CCDC32: variants seen among roughly 807,000 people sequenced by gnomAD.
CCDC32 encodes coiled-coil domain-containing protein 32.
Under a neutral mutation model 20.1 loss-of-function variants are expected in CCDC32, and 9 were observed. The observed-to-expected ratio is 0.45, with a 90% CI of 0.27 to 0.78. The LOEUF is 0.78. CCDC32 is among the 30% of genes least tolerant of loss of function. The pLI is 0.16. For synonymous variants in CCDC32, 63 were observed against 79.0 expected (o/e 0.80, Z 1.07); for missense variants, 204 against 215.5 (o/e 0.95, Z 0.33).
At chr15:40,544,680 G>A (rs895031962) in intron 3 of CCDC32, among the ~76,000 whole-genome samples, 4 of 152,126 alleles carry the variant, frequency 2.6e-5, no homozygotes, top group African/African-American at 4.8e-5. Context: ...CTGAGGTCCA[G>A]CTAACTGAAG....
chr15:40,560,971 G>A (rs980493356), intron 2 of CCDC32, among the ~76,000 whole-genome samples: 5 of 152,026 alleles, frequency 3.3e-5, no homozygotes, highest in African/African-American at 7.3e-5. Flanking sequence ...AGTGCCCATC[G>A]AGCAATGAGT....
At chr15:40,524,739 C>CTTTT (rs758786719), downstream of CCDC32, among the ~76,000 whole-genome samples, 95 of 95,184 alleles carry the variant, frequency 1.0e-3, 1 homozygote, top group African/African-American at 3.5e-3. Context: ...CTTTTTCTTT[C>CTTTT]TTTTTTTTTT....
At chr15:40,556,279 G>A (rs939835250) in intron 3 of CCDC32, among the ~76,000 whole-genome samples, 1 of 152,180 alleles carries the variant, frequency 6.6e-6, no homozygotes, top group African/African-American at 2.4e-5. Flanking sequence ...AGGGAGCTCA[G>A]TGGCCTCTCA....
intron 3 of CCDC32, 96 bp downstream of exon 3, chr15:40,557,120 A>G (rs1890294908): frequency 1.4e-6 from 2 of 1,480,806 alleles, no homozygotes; most frequent in Non-Finnish European, 1.8e-6. Flanking sequence ...TTTTGGCAAA[A>G]AAGTCTGTTC....
At chr15:40,528,035 A>T (rs1894921293), downstream of CCDC32, among the ~76,000 whole-genome samples, 1 of 152,226 alleles carries the variant, frequency 6.6e-6, no homozygotes, top group Non-Finnish European at 1.5e-5. Flanking sequence ...TTTGATAGAT[A>T]AAAATGGGCA....
chr15:40,527,697 A>T (rs375995930), downstream of CCDC32, among the ~76,000 whole-genome samples: 4 of 152,162 alleles, frequency 2.6e-5, no homozygotes, highest in African/African-American at 7.2e-5. Context: ...AAGAAGAGGA[A>T]GAGAGACCTG....
rs1225662241 is a variant in CCDC32, at chr15:40,553,788, G to T, written c.*183C>A. 1 of 1,397,794 alleles carries T rather than the reference G, an allele frequency of 7.2e-7. No individual in the cohort carries two copies. The allele number at this position is 1,397,794 out of a possible 1,614,324, so 86.6% of individuals were successfully genotyped here. A position where few individuals can be genotyped will look rare whatever the true frequency, so the allele number is the denominator to read the frequency against. On this transcript the variant is annotated 3_prime_UTR_variant, in exon 4 of 4. Coordinates refer to ENST00000416810, the MANE Select transcript of CCDC32 (RefSeq NM_001080792.4). The stretch of plus-strand genomic sequence containing the variant: ...GCCAGCCCCAGGTAAGTCCCTGGGG[G>T]CTTGCAGCTGTTTTCTTTGTGGAGT...
rs1890314390 is a variant in CCDC32 at position 40,557,335 on chromosome 15, T to C, written c.282A>G (p.Glu94=). The change falls in exon 3 of 4, where the codon GAA becomes GAG. Residue 94 remains glutamate (E), a synonymous_variant. Transcript: ENST00000416810. ...TTCGAAGCATGTCCTTGGAAGTCACTTCCTGATTTAAACCTTTGATTCTTC... is the reference window on the plus strand; with the variant it reads ...TTCGAAGCATGTCCTTGGAAGTCACCTCCTGATTTAAACCTTTGATTCTTC... ...KLRRIKGLNQ[E]VTSKDMLRTL... 1.2e-6 allele frequency: 2 copies of C among 1,613,806 alleles called. No homozygotes were observed. The highest frequency in any genetic ancestry group is 1.7e-5 in the Admixed American group (1 of 59,916).
downstream of CCDC32, among the ~76,000 whole-genome samples, chr15:40,524,550 G>A (rs992475911): frequency 6.6e-6 from 1 of 152,032 alleles, no homozygotes; most frequent in Non-Finnish European, 1.5e-5. Flanking sequence ...TAAAATTCTA[G>A]AATGGACAAA....
intron 3 of CCDC32, among the ~76,000 whole-genome samples, chr15:40,545,337 T>TACAC (rs142645644): frequency 1.3e-5 from 2 of 150,614 alleles, no homozygotes; most frequent in East Asian, 1.9e-4. Context: ...TCTGCACACA[T>TACAC]ACACACACAC....
At chr15:40,550,058 T>C (rs549221480), downstream of CCDC32, among the ~76,000 whole-genome samples, 133 of 152,284 alleles carry the variant, frequency 8.7e-4, no homozygotes, top group African/African-American at 3.1e-3. Context: ...CATGCCTGTG[T>C]CACTCCAGCC....
At chr15:40,561,438 A>T (rs1890619558) in intron 2 of CCDC32, among the ~76,000 whole-genome samples, 2 of 151,288 alleles carry the variant, frequency 1.3e-5, no homozygotes, top group Non-Finnish European at 2.9e-5. Context: ...GTGCCACTGC[A>T]TTCCAGCCTG....
chr15:40,551,856 GAA>G (rs1052476326), downstream of CCDC32, among the ~76,000 whole-genome samples: 2 of 140,654 alleles, frequency 1.4e-5, no homozygotes, highest in Non-Finnish European at 1.5e-5. Flanking sequence ...ATTAGTCAAT[GAA>G]AAGAGAGGAA....
chr15:40,564,221 T>TA (rs1000576064), intron 1 of CCDC32, among the ~76,000 whole-genome samples: 3 of 152,216 alleles, frequency 2.0e-5, no homozygotes, highest in South Asian at 2.1e-4. Flanking sequence ...AGAGTACTGT[T>TA]ACAATGCAAG....
downstream of CCDC32, among the ~76,000 whole-genome samples, chr15:40,549,209 C>T (rs1889742834): frequency 6.6e-6 from 1 of 152,206 alleles, no homozygotes; most frequent in Non-Finnish European, 1.5e-5. Context: ...CCACAATAAA[C>T]TCCAAACTCC....
chr15:40,535,075 C>A (rs1889053585), downstream of CCDC32: 1 of 774,896 alleles, frequency 1.3e-6, no homozygotes, highest in African/African-American at 1.7e-5. Context: ...AGGGTCTTGA[C>A]TGCTAAGCCA....
downstream of CCDC32, among the ~76,000 whole-genome samples, chr15:40,533,067 G>C (rs1888954075): frequency 6.6e-6 from 1 of 152,038 alleles, no homozygotes; most frequent in Non-Finnish European, 1.5e-5. Flanking sequence ...AGAGGAAGAG[G>C]ATAATGGTTC....
chr15:40,546,806 A>G (rs1185796411), intron 3 of CCDC32, among the ~76,000 whole-genome samples: 1 of 151,200 alleles, frequency 6.6e-6, no homozygotes, highest in East Asian at 1.9e-4. Context: ...GGTTCAAGTG[A>G]TTCTCCTGCC....
At chr15:40,527,806 G>A (rs936356211), downstream of CCDC32, among the ~76,000 whole-genome samples, 14 of 152,348 alleles carry the variant, frequency 9.2e-5, no homozygotes, top group African/African-American at 3.1e-4. Flanking sequence ...GCTCTCACCA[G>A]ATACAGCCCC....
Sources: gnomAD v4.1 joint callset for allele counts (sites outside exome capture counted in the v4.1 genomes callset) on GRCh38, gnomAD v4.1.1 for gene constraint, MANE v1.5 for transcripts, NCBI Gene and HGNC (gene_info 2026-07-23, HGNC 2026-07-21) for gene names.